DMKN: variants seen among roughly 807,000 people sequenced by gnomAD.
DMKN encodes the protein epidermis-specific secreted protein SK30/SK89.
DMKN carries 58 observed loss-of-function variants against 67.6 expected under a neutral mutation model. That is an observed-to-expected ratio of 0.86 (90% CI 0.69 to 1.07). DMKN has a LOEUF of 1.07. DMKN is among the 50% of genes least tolerant of loss of function. The probability of loss-of-function intolerance (pLI) is 0.00; values close to 1 mark genes in which losing one functional copy is unlikely to be tolerated. For synonymous variants in DMKN, 240 were observed against 232.3 expected, an observed-to-expected ratio of 1.03 and a Z score of -0.30; for missense variants, 596 against 601.5, an observed-to-expected ratio of 0.99 and a Z score of 0.10.
intron 11 of DMKN, chr19:35,501,772 T>G (rs1240698610): frequency 6.6e-7 from 1 of 1,503,836 alleles, no homozygotes. Flanking sequence ...CCTAGGCCCC[T>G]TCTTCCCCTC....
At chr19:35,503,822 ATTGTGAGCC>A (rs983948673) in intron 9 of DMKN, among the ~76,000 whole-genome samples, 1 of 152,114 alleles carries the variant, frequency 6.6e-6, no homozygotes, top group African/African-American at 2.4e-5. Context: ...ATTCCAGGGC[ATTGTGAGCC>A]AGCACAAGGG....
Position 35,502,863 on chromosome 19 carries a change from G to C in DMKN, c.1158C>G (p.Thr386=). ...GTCGGCTGAAGTAGAGGAGGGCTCG[G>C]GTGCTGGGGGGCGGGACCTGGTTCT... ...INKNQVPPPS[T]RALLYFSRLW... The change falls in exon 10 of 16, where the codon ACC becomes ACG. Residue 386 remains threonine, a synonymous_variant. Coordinates refer to ENST00000339686, the MANE Select transcript of DMKN (RefSeq NM_033317.5). 4 of 1,614,058 alleles carry C rather than the reference G, an allele frequency of 2.5e-6. No homozygotes were observed. The highest frequency in any genetic ancestry group is 2.2e-5 in the South Asian group (2 of 91,068).
rs372154370 is a variant in DMKN at position 35,501,912 on chromosome 19, G to A, written c.1239+224C>T. On this transcript the variant is annotated intron_variant, in intron 11 of 15. Transcript: ENST00000339686. ...GCCGGCTTCATGTTCATGTGCTTGTGGAGGCCCCAGCCCTCGGCCTCGGCT... is the reference window on the plus strand; with the variant it reads ...GCCGGCTTCATGTTCATGTGCTTGTAGAGGCCCCAGCCCTCGGCCTCGGCT... 271 of 1,572,194 alleles carry A rather than the reference G, an allele frequency of 1.7e-4. 1 individual carries two copies. The highest frequency in any genetic ancestry group is 1.5e-3 in the Middle Eastern group (9 of 6,018).
chr19:35,500,679 C>T (rs545651831), intron 11 of DMKN, 99 bp from the exon 12 acceptor site: 39 of 1,366,284 alleles, frequency 2.9e-5, no homozygotes, highest in South Asian at 4.2e-5. Context: ...CCCCTTTCCA[C>T]GTGCTACCTA....
In DMKN at chr19:35,498,747, G is replaced by A. The variant is rs2067864673; in HGVS notation, c.1400C>T (p.Pro467Leu). ...SPSSSASRVQ[P>L]GLLQWVKFW is the part of the protein sequence containing the mutation. ...AAACTTCACCCACTGCAGCAGGCCA[G>A]GTTGCACCCGGGAAGCCTGCCAGAA... Residue 467 changes from proline to leucine, a missense_variant, in exon 15 of 16, where the codon CCT (proline) becomes CTT (leucine). Transcript: ENST00000339686. 3 of 1,614,180 alleles carry A rather than the reference G, an allele frequency of 1.9e-6. No individual in the cohort carries two copies. Among genetic ancestry groups the A allele is most frequent in the Middle Eastern group, 1.7e-4 (1 of 6,060 alleles).
Position 35,513,450 on chromosome 19 carries a change from C to T in DMKN, c.26G>A (p.Cys9Tyr). ...GCCCAGGCAGAGGGCCAGCAGGAGGCAGGCCAGGGGCCCCTGGAACTTCAT... is the reference window on the plus strand; with the variant it reads ...GCCCAGGCAGAGGGCCAGCAGGAGGTAGGCCAGGGGCCCCTGGAACTTCAT... MKFQGPLA[C>Y]LLLALCLGSG... Residue 9 changes from cysteine (C) to tyrosine (Y), a missense_variant, in exon 1 of 16, where the codon TGC becomes TAC. Transcript: ENST00000339686. The T allele has an allele frequency of 6.2e-7, 1 of 1,600,550 alleles. No homozygotes were observed. Among genetic ancestry groups the T allele is most frequent in the South Asian group, 1.1e-5 (1 of 91,036 alleles).
chr19:35,501,917 C>A, intron 11 of DMKN: 1 of 1,567,998 alleles, frequency 6.4e-7, no homozygotes. Context: ...CTTGTGGAGG[C>A]CCCAGCCCTC....
chr19:35,500,649 C>T lies in DMKN; in HGVS notation c.1240-69G>A, dbSNP rs1599825877. 7 of 1,522,140 alleles carry T rather than the reference C, an allele frequency of 4.6e-6. No individual in the cohort carries two copies. In the East Asian group the frequency reaches 1.4e-4, roughly 31 times the overall value. 94.3% of individuals were successfully genotyped at this position (1,522,140 alleles called of 1,614,324 possible). On this transcript the variant is annotated intron_variant, in intron 11 of 15. Coordinates refer to ENST00000339686, the MANE Select transcript of DMKN (RefSeq NM_033317.5). ...CGGGCATTGCCGGGCTTTCAGAGCC[C>T]CAGTTTCTCCCTCACCCCACCCCTT...
Position 35,512,595 on chromosome 19 carries a change from T to A in DMKN, c.622A>T (p.Thr208Ser), listed in dbSNP as rs769261156. The A allele has an allele frequency of 6.2e-7, 1 of 1,613,946 alleles. No homozygotes were observed. Among genetic ancestry groups the A allele is most frequent in the South Asian group, 1.1e-5 (1 of 91,084 alleles). Residue 208 changes from threonine to serine, a missense_variant, in exon 2 of 16, where the codon ACT (threonine) becomes TCT (serine). Thr to Ser is a moderately conservative substitution (Grantham distance 58). Transcript: ENST00000339686. ...NGGPPNFGTN[T>S]QGAVAQPGYG... ...AGGTCTGGGGGTGACTTTACCTGAG[T>A]GTTGGTCCCAAAGTTTGGTGGCCCT...
At chr19:35,507,441 C>T in intron 7 of DMKN, 1 of 1,549,636 alleles carries the variant, frequency 6.5e-7, no homozygotes, top group Non-Finnish European at 8.7e-7. Context: ...GCCAACCCTG[C>T]CTGCCCCTAG....
At chr19:35,508,322 G>T in intron 7 of DMKN, 1 of 1,504,974 alleles carries the variant, frequency 6.6e-7, no homozygotes, top group South Asian at 1.2e-5. Context: ...GATTTAATAT[G>T]ATTCCTCTAA....
intron 7 of DMKN, 128 bp downstream of exon 7, chr19:35,509,783 C>T (rs2070363298): frequency 2.7e-6 from 3 of 1,124,792 alleles, no homozygotes; most frequent in Non-Finnish European, 2.6e-6. Flanking sequence ...TTGGTTTCTT[C>T]TGCCGAAATA....
chr19:35,504,909 C>T (rs1415258464), intron 9 of DMKN, among the ~76,000 whole-genome samples: 1 of 151,382 alleles, frequency 6.6e-6, no homozygotes, highest in East Asian at 1.9e-4. Context: ...TCTAGCCTAA[C>T]CCCACCCCAT....
chr19:35,502,836 G>A lies in DMKN; in HGVS notation c.1185C>T (p.Leu395=), dbSNP rs758379666. The A allele has an allele frequency of 7.4e-6, 12 of 1,614,008 alleles. No individual in the cohort carries two copies. In the East Asian group the frequency reaches 1.3e-4, roughly 18 times the overall value. The change falls in exon 10 of 16, where the codon CTC becomes CTT. Residue 395 remains leucine, a synonymous_variant. Coordinates refer to ENST00000339686, the MANE Select transcript of DMKN (RefSeq NM_033317.5). ...STRALLYFSR[L]WEDFKQNTPF... The stretch of plus-strand genomic sequence containing the variant: ...ACAGCAAGAATTCTCCTACCTCCCA[G>A]AGTCGGCTGAAGTAGAGGAGGGCTC...
intron 3 of DMKN, 26 bp downstream of exon 3, chr19:35,512,395 A>T (rs745345000): frequency 6.2e-7 from 1 of 1,611,800 alleles, no homozygotes; most frequent in South Asian, 1.1e-5. Flanking sequence ...TGGCTTCTTC[A>T]TTTGTTCCCA....
intron 7 of DMKN, chr19:35,507,238 G>A (rs904142087): frequency 8.4e-6 from 4 of 474,224 alleles, no homozygotes; most frequent in African/African-American, 2.0e-5. Flanking sequence ...CCTTACAAAA[G>A]TAACATGGCT....
intron 4 of DMKN, 33 bp downstream of exon 4, chr19:35,511,730 T>C: frequency 6.2e-7 from 1 of 1,605,582 alleles, no homozygotes; most frequent in South Asian, 1.1e-5. Flanking sequence ...TTCCTCCTGG[T>C]GCACAACTCC....
chr19:35,511,005 C>T (rs540015057), intron 5 of DMKN, among the ~76,000 whole-genome samples: 1 of 152,286 alleles, frequency 6.6e-6, no homozygotes, highest in South Asian at 2.1e-4. Flanking sequence ...CGTAGGTCTC[C>T]CGGATCACAG....
chr19:35,498,451 C>T (rs781330975), intron 15 of DMKN: 3 of 536,608 alleles, frequency 5.6e-6, no homozygotes, highest in African/African-American at 1.9e-5. Flanking sequence ...TCAAGTGATC[C>T]TCCCACCCCA....
Sources: gnomAD v4.1 joint callset for allele counts (sites outside exome capture counted in the v4.1 genomes callset) on GRCh38, gnomAD v4.1.1 for gene constraint, MANE v1.5 for transcripts, NCBI Gene and HGNC (gene_info 2026-07-23, HGNC 2026-07-21) for gene names.